FYN: variants seen among roughly 807,000 people sequenced by gnomAD.
FYN encodes the protein FYN proto-oncogene, Src family tyrosine kinase.
FYN carries 10 observed loss-of-function variants against 70.2 expected under a neutral mutation model. The observed-to-expected ratio is 0.14, with a 90% confidence interval of 0.09 to 0.24. The LOEUF (loss-of-function observed/expected upper bound fraction) is 0.24. Among genes scored for constraint, FYN ranks in the 10% least tolerant of loss-of-function variants. The pLI, the probability that FYN is intolerant of heterozygous loss-of-function variation, is 1.00. For missense variants in FYN, 319 were observed against 673.1 expected (o/e 0.47, Z 5.82); for synonymous variants, 236 against 248.6 (o/e 0.95, Z 0.48).
intron 3 of FYN, among the ~76,000 whole-genome samples, chr6:111,763,080 T>A (rs1803073063): frequency 6.6e-6 from 1 of 152,214 alleles, no homozygotes; most frequent in Non-Finnish European, 1.5e-5. Flanking sequence ...GCTTAATTCT[T>A]TGAACCGATT....
At chr6:111,751,024 G>T (rs1414940882) in intron 3 of FYN, among the ~76,000 whole-genome samples, 1 of 152,124 alleles carries the variant, frequency 6.6e-6, no homozygotes, top group East Asian at 1.9e-4. Context: ...ATTATCTACA[G>T]AGTCACACTG....
At chr6:111,737,336 T>A (rs1383760448) in intron 3 of FYN, among the ~76,000 whole-genome samples, 2 of 152,186 alleles carry the variant, frequency 1.3e-5, no homozygotes, top group Non-Finnish European at 2.9e-5. Context: ...ACTTAAGACA[T>A]GAGTCACAGG....
intron 1 of FYN, among the ~76,000 whole-genome samples, chr6:111,860,604 A>T (rs1302704734): frequency 6.6e-6 from 1 of 152,206 alleles, no homozygotes; most frequent in Non-Finnish European, 1.5e-5. Context: ...GGGTACAATC[A>T]AATAATGTTT....
intron 3 of FYN, among the ~76,000 whole-genome samples, chr6:111,757,780 T>G (rs1802804869): frequency 6.6e-6 from 1 of 152,190 alleles, no homozygotes; most frequent in Admixed American, 6.5e-5. Flanking sequence ...ACACAGGATG[T>G]CATTTAAATT....
At chr6:111,741,925 G>T (rs1263211325) in intron 3 of FYN, among the ~76,000 whole-genome samples, 1 of 152,172 alleles carries the variant, frequency 6.6e-6, no homozygotes, top group East Asian at 1.9e-4. Context: ...GCTACACTCT[G>T]AGATCCACTA....
At chr6:111,776,729 C>A (rs184588905) in intron 3 of FYN, among the ~76,000 whole-genome samples, 89 of 152,262 alleles carry the variant, frequency 5.8e-4, no homozygotes, top group Non-Finnish European at 8.5e-4. Context: ...AGCACCATTA[C>A]CCTCCCAAAA....
At chr6:111,690,160 T>C (rs1326520228) in intron 12 of FYN, among the ~76,000 whole-genome samples, 1 of 151,690 alleles carries the variant, frequency 6.6e-6, no homozygotes, top group Non-Finnish European at 1.5e-5. Context: ...ACATTGCCTA[T>C]GTCGGGGGTC....
intron 3 of FYN, among the ~76,000 whole-genome samples, chr6:111,734,117 C>A (rs1801592684): frequency 6.6e-6 from 1 of 151,980 alleles, no homozygotes; most frequent in South Asian, 2.1e-4. Context: ...AACAAACAAA[C>A]AAAAAAATGT....
rs1801788629 is a variant in FYN at position 111,738,147 on chromosome 6, T to A, written c.-11-18085A>T. Among the ~76,000 whole-genome samples the A allele has an allele frequency of 1.3e-5, 2 of 152,118 alleles. 1 individual carries two copies. The highest frequency in any genetic ancestry group is 4.2e-4 in the South Asian group (2 of 4,816). Reference sequence around the variant, plus strand: ...ACTGGTGAAAATGTGGAACAAGAGCTCCACACACACCGCTAGCAGGACGTC... The same window carrying A: ...ACTGGTGAAAATGTGGAACAAGAGCACCACACACACCGCTAGCAGGACGTC... On this transcript the variant is annotated intron_variant, in intron 3 of 13. Coordinates refer to ENST00000354650, the MANE Select transcript of FYN (RefSeq NM_002037.5).
At chr6:111,681,960 C>T (rs1798800367) in intron 12 of FYN, among the ~76,000 whole-genome samples, 1 of 152,122 alleles carries the variant, frequency 6.6e-6, no homozygotes, top group African/African-American at 2.4e-5. Context: ...CCACTGTGTC[C>T]ATGTCTCCTC....
At chr6:111,691,835 T>C (rs969315447) in intron 12 of FYN, among the ~76,000 whole-genome samples, 2 of 152,266 alleles carry the variant, frequency 1.3e-5, no homozygotes, top group Non-Finnish European at 2.9e-5. Context: ...CAGCATAGCT[T>C]AGAATGGTAG....
chr6:111,688,863 G>C (rs1799165221), intron 12 of FYN, among the ~76,000 whole-genome samples: 1 of 152,030 alleles, frequency 6.6e-6, no homozygotes, highest in South Asian at 2.1e-4. Context: ...GCTGTGTCCG[G>C]GGTGAGGGGG....
chr6:111,817,608 A>T (rs555743062), intron 2 of FYN, among the ~76,000 whole-genome samples: 1 of 152,280 alleles, frequency 6.6e-6, no homozygotes, highest in African/African-American at 2.4e-5. Flanking sequence ...GCAAACCCTC[A>T]TGGCCCAAGG....
intron 1 of FYN, among the ~76,000 whole-genome samples, chr6:111,856,782 G>A (rs1013219250): frequency 1.3e-5 from 2 of 151,798 alleles, no homozygotes; most frequent in Non-Finnish European, 2.9e-5. Flanking sequence ...TTTATGTTTT[G>A]AGAAAATTTG....
chr6:111,681,155 G>A (rs995446082), intron 12 of FYN, among the ~76,000 whole-genome samples: 13 of 151,976 alleles, frequency 8.6e-5, no homozygotes, highest in African/African-American at 2.9e-4. Context: ...AGCCTCCTGA[G>A]TAGCTGGGAC....
chr6:111,859,394 C>A (rs1451461364), intron 1 of FYN, among the ~76,000 whole-genome samples: 1 of 152,144 alleles, frequency 6.6e-6, no homozygotes, highest in Non-Finnish European at 1.5e-5. Flanking sequence ...TGGGGCCTCA[C>A]TCCATATTTT....
chr6:111,694,584 C>A lies in FYN; in HGVS notation c.1119+44G>T. On this transcript the variant is annotated intron_variant, in intron 11 of 13. Transcript: ENST00000354650. The surrounding 1 kb of genome is among the most constrained non-coding windows in gnomAD (Gnocchi z 5.0). ...CACCACGACCCAATGTACTTAGACACGTCATTAAATCTATGGCACATCAAG... is the reference window on the plus strand; with the variant it reads ...CACCACGACCCAATGTACTTAGACAAGTCATTAAATCTATGGCACATCAAG... 3.7e-6 allele frequency: 6 copies of A among 1,613,550 alleles called. No individual in the cohort carries two copies. Among genetic ancestry groups the A allele is most frequent in the Non-Finnish European group, 5.1e-6 (6 of 1,179,604 alleles).
Position 111,821,330 on chromosome 6 carries a change from C to A in FYN, c.-82+25259G>T, listed in dbSNP as rs1772654326. ...AACAGAGCCCTCAGAAATAATACCA[C>A]ACATCTACAACCATCTGATCTTTGA... On this transcript the variant is annotated intron_variant, in intron 2 of 13. Transcript: ENST00000354650. Among the ~76,000 whole-genome samples the A allele has an allele frequency of 2.6e-5, 4 of 152,094 alleles. 1 individual carries two copies. In the South Asian group the frequency reaches 8.3e-4, roughly 32 times the overall value.
intron 3 of FYN, among the ~76,000 whole-genome samples, chr6:111,733,637 C>T (rs1476734604): frequency 6.6e-6 from 1 of 152,248 alleles, no homozygotes; most frequent in Non-Finnish European, 1.5e-5. Context: ...AACCAGGTTG[C>T]TGAGTAGCCC....
Sources: gnomAD v4.1 joint callset for allele counts (sites outside exome capture counted in the v4.1 genomes callset) on GRCh38, gnomAD v4.1.1 for gene constraint, Gnocchi (gnomAD v3.1) non-coding constraint, MANE v1.5 for transcripts, NCBI Gene and HGNC (gene_info 2026-07-23, HGNC 2026-07-21) for gene names.